The following SNTG1 variants were observed in gnomAD, a reference collection of about 807,000 sequenced individuals.
The protein encoded by SNTG1 is gamma-1-syntrophin.
Under a neutral mutation model 74.7 loss-of-function variants are expected in SNTG1, and 39 were observed. The ratio of observed to expected loss-of-function variants is 0.52; its 90% CI spans 0.40 to 0.68. SNTG1 has a LOEUF of 0.68. Among genes scored for constraint, SNTG1 ranks in the 30% least tolerant of loss-of-function variants. SNTG1 has a pLI of 0.00. For synonymous variants in SNTG1, 254 were observed against 217.1 expected, an observed-to-expected ratio of 1.17 and a Z score of -1.49; for missense variants, 685 against 609.5, an observed-to-expected ratio of 1.12 and a Z score of -1.30.
In SNTG1 at chr8:50,210,076, A is replaced by T. The variant is rs2084591; in HGVS notation, c.-28+37441A>T. Among the ~76,000 whole-genome samples, 1,271 of 152,108 alleles carry T rather than the reference A, an allele frequency of 8.4e-3. 20 individuals carry two copies. Among genetic ancestry groups the T allele is most frequent in the African/African-American group, 0.029 (1,202 of 41,488 alleles). Reference sequence around the variant, plus strand: ...AAACCATGGCACGAGAACTACGTGAAGCATGCACAAGCTTTAGTAGCTGAT... The same window carrying T: ...AAACCATGGCACGAGAACTACGTGATGCATGCACAAGCTTTAGTAGCTGAT... On this transcript the variant is annotated intron_variant, in intron 2 of 18. Transcript: ENST00000642720.
chr8:50,576,549 T>C (rs1008226131), intron 12 of SNTG1, among the ~76,000 whole-genome samples: 5 of 152,164 alleles, frequency 3.3e-5, no homozygotes, highest in African/African-American at 1.2e-4. Context: ...TGAGTTCCCT[T>C]GAGTAGTGTT....
chr8:50,108,691 T>A (rs1383075245), intron 1 of SNTG1, among the ~76,000 whole-genome samples: 4 of 152,198 alleles, frequency 2.6e-5, no homozygotes, highest in African/African-American at 9.6e-5. Flanking sequence ...TTGTTCCATT[T>A]ATAGAAGCTT....
At chr8:50,222,576 G>T (rs959242386) in intron 2 of SNTG1, among the ~76,000 whole-genome samples, 1 of 152,134 alleles carries the variant, frequency 6.6e-6, no homozygotes, top group African/African-American at 2.4e-5. Flanking sequence ...CAGAATACTA[G>T]AACATATACC....
intron 2 of SNTG1, among the ~76,000 whole-genome samples, chr8:50,341,945 T>C (rs1182459369): frequency 6.6e-6 from 1 of 152,078 alleles, no homozygotes; most frequent in Non-Finnish European, 1.5e-5. Flanking sequence ...AAATTTTGTA[T>C]GATTGCCTAT....
chr8:50,510,700 C>T (rs188074909), intron 9 of SNTG1, among the ~76,000 whole-genome samples: 4 of 152,234 alleles, frequency 2.6e-5, no homozygotes, highest in East Asian at 1.9e-4. Context: ...AGTTTTTTTG[C>T]GTAGAGGTGT....
At chr8:50,584,184 A>T (rs1243147801) in intron 12 of SNTG1, among the ~76,000 whole-genome samples, 1 of 152,128 alleles carries the variant, frequency 6.6e-6, no homozygotes, top group South Asian at 2.1e-4. Flanking sequence ...GATGGACATT[A>T]GGGTTGGTTC....
chr8:50,751,793 C>A (rs1053506543), intron 17 of SNTG1, among the ~76,000 whole-genome samples: 1 of 151,884 alleles, frequency 6.6e-6, no homozygotes, highest in African/African-American at 2.4e-5. Context: ...ATAATTATTT[C>A]ATGGATAAAA....
chr8:50,716,350 G>A (rs2095475010), intron 17 of SNTG1, among the ~76,000 whole-genome samples: 1 of 151,984 alleles, frequency 6.6e-6, no homozygotes, highest in African/African-American at 2.4e-5. Flanking sequence ...CACTATACAA[G>A]TTATAATATA....
At position 50,398,870 on chromosome 8, in the gene SNTG1, T is replaced by C. The variant is rs891082440; in HGVS notation, c.28-3340T>C. 6.6e-5 allele frequency among the ~76,000 whole-genome samples: 10 copies of C among 152,208 alleles called. No homozygotes were observed. In the East Asian group the frequency reaches 1.7e-3, roughly 27 times the overall value. ...GCTCGAACCCAGGAGGCAGAGATTG[T>C]AGTGAGCCAAGATCGCTCCACTGCA... On this transcript the variant is annotated intron_variant, in intron 3 of 18. Coordinates refer to ENST00000642720, the MANE Select transcript of SNTG1 (RefSeq NM_018967.5).
intron 2 of SNTG1, among the ~76,000 whole-genome samples, chr8:50,187,763 G>T (rs908981148): frequency 3.3e-5 from 5 of 152,148 alleles, no homozygotes; most frequent in African/African-American, 1.2e-4. Flanking sequence ...TTCATGGATG[G>T]TAATTTTGCA....
chr8:50,765,629 T>C (rs1170958498), intron 18 of SNTG1, among the ~76,000 whole-genome samples: 1 of 152,010 alleles, frequency 6.6e-6, no homozygotes, highest in Non-Finnish European at 1.5e-5. Flanking sequence ...ATTTTTAAAC[T>C]GTTAATGCCA....
At chr8:50,337,279 A>C (rs2091173046) in intron 2 of SNTG1, among the ~76,000 whole-genome samples, 2 of 152,236 alleles carry the variant, frequency 1.3e-5, no homozygotes, top group East Asian at 1.9e-4. Context: ...CTAGGAGCAG[A>C]AACCATCATT....
chr8:49,982,369 T>C (rs954519646), intron 1 of SNTG1, among the ~76,000 whole-genome samples: 2 of 152,106 alleles, frequency 1.3e-5, no homozygotes, highest in Non-Finnish European at 2.9e-5. Flanking sequence ...TTTGGGCCCA[T>C]CTGCTCCTTG....
chr8:50,177,199 A>G (rs191574875), intron 2 of SNTG1, among the ~76,000 whole-genome samples: 1 of 152,350 alleles, frequency 6.6e-6, no homozygotes. Context: ...GAACAGAATT[A>G]CAGAAACTCT....
chr8:50,761,607 T>TTTTTG (rs1027095111), intron 18 of SNTG1, among the ~76,000 whole-genome samples: 1 of 151,590 alleles, frequency 6.6e-6, no homozygotes, highest in African/African-American at 2.4e-5. Context: ...TGAGCTATTT[T>TTTTTG]TTTTTTTCAT....
chr8:49,928,134 G>C (rs1270510818), intron 1 of SNTG1, among the ~76,000 whole-genome samples: 1 of 124,386 alleles, frequency 8.0e-6, no homozygotes, highest in Admixed American at 8.8e-5. Flanking sequence ...GTGAAACTCT[G>C]TCTCAAAAAA....
chr8:50,144,724 C>T (rs542153915), intron 1 of SNTG1, among the ~76,000 whole-genome samples: 9 of 151,970 alleles, frequency 5.9e-5, no homozygotes, highest in African/African-American at 9.7e-5. Flanking sequence ...GCAGGAGGAG[C>T]GGCTGTAGAT....
At chr8:50,201,902 T>C (rs1202222468) in intron 2 of SNTG1, among the ~76,000 whole-genome samples, 2 of 152,172 alleles carry the variant, frequency 1.3e-5, no homozygotes, top group Non-Finnish European at 2.9e-5. Context: ...GTTAGAAACA[T>C]GGCTCCCACC....
At chr8:50,236,449 A>ATTTTTT (rs201903542) in intron 2 of SNTG1, among the ~76,000 whole-genome samples, 1 of 96,486 alleles carries the variant, frequency 1.0e-5, no homozygotes. Flanking sequence ...TTTAATTGTA[A>ATTTTTT]ATTTTTTTTT....
Sources: allele counts gnomAD v4.1 joint callset (sites outside exome capture counted in the v4.1 genomes callset), GRCh38; gene constraint gnomAD v4.1.1; transcripts MANE v1.5; gene names NCBI Gene and HGNC (gene_info 2026-07-23, HGNC 2026-07-21).